Variants in TMC1 observed in about 807,000 individuals in gnomAD.
The protein encoded by TMC1 is transmembrane channel-like protein 1.
A neutral mutation model predicts 105.8 loss-of-function variants in TMC1; 84 were observed. The observed-to-expected ratio is 0.79, with a 90% CI of 0.67 to 0.95. TMC1 has a LOEUF of 0.95. TMC1 is among the 40% of genes least tolerant of loss of function. TMC1 has a pLI of 0.00. For synonymous variants in TMC1, 315 were observed against 311.5 expected (o/e 1.01, Z -0.12); for missense variants, 817 against 914.1 (o/e 0.89, Z 1.37).
At chr9:72,689,698 A>G (rs992252916) in intron 6 of TMC1, among the ~76,000 whole-genome samples, 2 of 151,898 alleles carry the variant, frequency 1.3e-5, no homozygotes, top group South Asian at 4.2e-4. Context: ...TAATGCCCTT[A>G]TTTGTTGCTT....
chr9:72,681,939 T>G (rs1826294303), intron 5 of TMC1, among the ~76,000 whole-genome samples: 1 of 152,148 alleles, frequency 6.6e-6, no homozygotes, highest in Non-Finnish European at 1.5e-5. Context: ...CTATTTATTT[T>G]CTACTTCTGA....
At chr9:72,552,783 G>A (rs1823877890) in intron 1 of TMC1, among the ~76,000 whole-genome samples, 1 of 152,080 alleles carries the variant, frequency 6.6e-6, no homozygotes, top group South Asian at 2.1e-4. Flanking sequence ...TTTGCATATT[G>A]TGATTGTTTC....
chr9:72,540,151 A>G (rs1823651741), intron 1 of TMC1, among the ~76,000 whole-genome samples: 1 of 152,148 alleles, frequency 6.6e-6, no homozygotes, highest in African/African-American at 2.4e-5. Context: ...CATAACACAC[A>G]CATCTCACTA....
At position 72,625,620 on chromosome 9, in the gene TMC1, G is replaced by A. The variant is rs375395665; in HGVS notation, c.-195-2301G>A. Among the ~76,000 whole-genome samples, 47 of 151,592 alleles carry A rather than the reference G, an allele frequency of 3.1e-4. No individual in the cohort carries two copies. In the East Asian group the frequency reaches 8.8e-3, roughly 28 times the overall value. Reference sequence around the variant, plus strand: ...GGAGAATGGCGTGAACCCAGGAGGCGGAGCTTGCAGTGAGCTGAGATCGCG... The same window carrying A: ...GGAGAATGGCGTGAACCCAGGAGGCAGAGCTTGCAGTGAGCTGAGATCGCG... On this transcript the variant is annotated intron_variant, in intron 3 of 23. Coordinates refer to ENST00000297784, the MANE Select transcript of TMC1 (RefSeq NM_138691.3).
Position 72,568,483 on chromosome 9 carries a change from A to T in TMC1, c.-427-9419A>T, listed in dbSNP as rs537420896. Among the ~76,000 whole-genome samples the T allele has an allele frequency of 2.6e-5, 4 of 152,316 alleles. No homozygotes were observed. The East Asian group carries it at 7.7e-4, about 29-fold the overall frequency. ...CGTTACATTTATTCAACAACTCTTTATGGGGACTTGCTATGAGTGAGGCAC... is the reference window on the plus strand; with the variant it reads ...CGTTACATTTATTCAACAACTCTTTTTGGGGACTTGCTATGAGTGAGGCAC... On this transcript the variant is annotated intron_variant, in intron 1 of 23. Coordinates refer to ENST00000297784, the MANE Select transcript of TMC1 (RefSeq NM_138691.3).
At chr9:72,560,543 G>A (rs1824026529) in intron 1 of TMC1, among the ~76,000 whole-genome samples, 1 of 151,990 alleles carries the variant, frequency 6.6e-6, no homozygotes, top group Admixed American at 6.5e-5. Context: ...CTGTCACCCA[G>A]ACTGGAGTGC....
At chr9:72,753,119 C>T (rs2118060645) in intron 11 of TMC1, among the ~76,000 whole-genome samples, 1 of 152,134 alleles carries the variant, frequency 6.6e-6, no homozygotes, top group African/African-American at 2.4e-5. Flanking sequence ...GCACTTTAAT[C>T]CACTAGTTTT....
chr9:72,595,913 G>T (rs1350413795), intron 2 of TMC1, among the ~76,000 whole-genome samples: 11 of 146,668 alleles, frequency 7.5e-5, no homozygotes, highest in African/African-American at 2.8e-4. Flanking sequence ...ATCTTGCTCT[G>T]TCGCCCAGGC....
intron 5 of TMC1, among the ~76,000 whole-genome samples, chr9:72,650,914 ATATATATATAAATATATATAGG>A (rs1396923213): frequency 2.1e-5 from 3 of 139,680 alleles, no homozygotes; most frequent in Non-Finnish European, 4.7e-5. Flanking sequence ...ATATATATAG[ATATATATATAAATATATATAGG>A]TATATATATG....
intron 17 of TMC1, among the ~76,000 whole-genome samples, chr9:72,794,304 G>T (rs2118202076): frequency 6.6e-6 from 1 of 152,278 alleles, no homozygotes; most frequent in South Asian, 2.1e-4. Flanking sequence ...CCCCAGAGCT[G>T]AAGGGGCAGC....
intron 13 of TMC1, among the ~76,000 whole-genome samples, chr9:72,780,773 G>C (rs1417612306): frequency 2.0e-5 from 3 of 152,130 alleles, no homozygotes; most frequent in Non-Finnish European, 2.9e-5. Flanking sequence ...AGACTTAACT[G>C]TCCTAAATGT....
chr9:72,817,158 C>T (rs1162582729), intron 19 of TMC1: 1 of 152,176 alleles, frequency 6.6e-6, no homozygotes, highest in African/African-American at 2.4e-5. Flanking sequence ...AACCGTCTTG[C>T]TTCTGTCACA....
At chr9:72,645,791 CT>C (rs548806753) in intron 4 of TMC1, among the ~76,000 whole-genome samples, 1 of 152,186 alleles carries the variant, frequency 6.6e-6, no homozygotes, top group Non-Finnish European at 1.5e-5. Context: ...TTTTTGTTTT[CT>C]AATCTTAAAA....
At chr9:72,710,828 G>A (rs563265925) in intron 8 of TMC1, among the ~76,000 whole-genome samples, 258 of 152,064 alleles carry the variant, frequency 1.7e-3, no homozygotes, top group African/African-American at 5.4e-3. Context: ...GTACATGTGT[G>A]GAATGTGCAG....
intron 17 of TMC1, among the ~76,000 whole-genome samples, chr9:72,797,625 T>C (rs1029795296): frequency 6.6e-6 from 1 of 152,106 alleles, no homozygotes; most frequent in Admixed American, 6.5e-5. Context: ...GGGAAAATAT[T>C]TCCTATTTAA....
At chr9:72,768,244 G>A (rs1827869540) in intron 12 of TMC1, among the ~76,000 whole-genome samples, 1 of 150,720 alleles carries the variant, frequency 6.6e-6, no homozygotes, top group Non-Finnish European at 1.5e-5. Context: ...AACACCACAT[G>A]TTCTCACTCA....
chr9:72,533,010 A>G (rs898309901), intron 1 of TMC1, among the ~76,000 whole-genome samples: 15 of 152,236 alleles, frequency 9.9e-5, no homozygotes, highest in African/African-American at 3.4e-4. Context: ...CTGCCATAAA[A>G]TGATGGCTTA....
intron 2 of TMC1, among the ~76,000 whole-genome samples, chr9:72,594,197 G>A (rs1824683933): frequency 6.6e-6 from 1 of 152,178 alleles, no homozygotes; most frequent in Non-Finnish European, 1.5e-5. Context: ...GACAGCAGAA[G>A]ACCTGAAGAA....
At chr9:72,552,800 G>A (rs1324992062) in intron 1 of TMC1, among the ~76,000 whole-genome samples, 2 of 152,048 alleles carry the variant, frequency 1.3e-5, no homozygotes, top group African/African-American at 4.8e-5. Context: ...TTTCTGTTCG[G>A]ATTTAATGGC....
Sources: allele counts gnomAD v4.1 joint callset (sites outside exome capture counted in the v4.1 genomes callset), GRCh38; gene constraint gnomAD v4.1.1; transcripts MANE v1.5; gene names NCBI Gene and HGNC (gene_info 2026-07-23, HGNC 2026-07-21).